KAT6B: variants seen among roughly 807,000 people sequenced by gnomAD.
The protein encoded by KAT6B is lysine acetyltransferase 6B.
Under a neutral mutation model 187.5 loss-of-function variants are expected in KAT6B, and 10 were observed. That is an observed-to-expected ratio of 0.05 (90% CI 0.03 to 0.09). The LOEUF is 0.09. Among genes scored for constraint, KAT6B ranks in the 10% least tolerant of loss-of-function variants. The probability of loss-of-function intolerance (pLI) is 1.00; values close to 1 mark genes in which losing one functional copy is unlikely to be tolerated. For synonymous variants in KAT6B, 861 were observed against 926.8 expected, an observed-to-expected ratio of 0.93 and a Z score of 1.29; for missense variants, 1,952 against 2,558.9, an observed-to-expected ratio of 0.76 and a Z score of 5.12.
upstream of KAT6B, among the ~76,000 whole-genome samples, chr10:74,825,133 C>G (rs1358720479): frequency 1.3e-5 from 2 of 152,338 alleles, no homozygotes; most frequent in East Asian, 3.9e-4. The surrounding 1 kb of genome is among the most constrained non-coding windows in gnomAD (Gnocchi z 5.0). Flanking sequence ...CGTCCCCCAC[C>G]CCAAAACTGC....
At chr10:74,886,722 G>A (rs1845303204) in intron 3 of KAT6B, among the ~76,000 whole-genome samples, 1 of 152,132 alleles carries the variant, frequency 6.6e-6, no homozygotes, top group African/African-American at 2.4e-5. Context: ...CTATGTTCTT[G>A]ACTAAATAAT....
chr10:74,997,201 T>TTCTC (rs990279473), intron 13 of KAT6B, among the ~76,000 whole-genome samples: 2 of 148,348 alleles, frequency 1.3e-5, no homozygotes, highest in African/African-American at 2.5e-5. Flanking sequence ...CTCTCTCTCT[T>TTCTC]TCTCTCTCTC....
chr10:74,985,369 G>C, intron 12 of KAT6B, 128 bp downstream of exon 12: 2 of 974,622 alleles, frequency 2.1e-6, no homozygotes, highest in Non-Finnish European at 3.1e-6. Flanking sequence ...AAAAGCTCAG[G>C]TTCTTGTTCA....
Position 75,016,526 on chromosome 10 carries a change from G to T in KAT6B, c.2630-4056G>T, listed in dbSNP as rs557534857. Among the ~76,000 whole-genome samples, 7 of 152,348 alleles carry T rather than the reference G, an allele frequency of 4.6e-5. No individual in the cohort carries two copies. In the South Asian group the frequency reaches 8.3e-4, roughly 18 times the overall value. Reference sequence around the variant, plus strand: ...TGCTACGATCAAGATAGTTGATGTGGATGAGGGGTTTATGGGCTACCCCGT... The same window carrying T: ...TGCTACGATCAAGATAGTTGATGTGTATGAGGGGTTTATGGGCTACCCCGT... On this transcript the variant is annotated intron_variant, in intron 13 of 17. Transcript: ENST00000287239.
intron 17 of KAT6B, among the ~76,000 whole-genome samples, chr10:75,026,373 G>T (rs1589835066): frequency 6.6e-6 from 1 of 152,076 alleles, no homozygotes. Context: ...AATCATGAGG[G>T]TTTATGGTAT....
intron 3 of KAT6B, among the ~76,000 whole-genome samples, chr10:74,857,030 T>G (rs1388828800): frequency 6.6e-6 from 1 of 152,222 alleles, no homozygotes; most frequent in East Asian, 1.9e-4. Flanking sequence ...TTGGTTAAGG[T>G]GGCATCTGCT....
chr10:74,917,404 A>T (rs1394163309), intron 3 of KAT6B, among the ~76,000 whole-genome samples: 1 of 152,136 alleles, frequency 6.6e-6, no homozygotes, highest in Non-Finnish European at 1.5e-5. Context: ...CCAGGATCCC[A>T]TCCAGGATCC....
At chr10:74,840,198 T>A (rs1841635441) in intron 2 of KAT6B, among the ~76,000 whole-genome samples, 1 of 152,218 alleles carries the variant, frequency 6.6e-6, no homozygotes, top group Non-Finnish European at 1.5e-5. Context: ...GGGTTGCATT[T>A]ATAATTGGAT....
At chr10:74,843,818 C>T (rs377218238) in intron 3 of KAT6B, among the ~76,000 whole-genome samples, 2 of 152,246 alleles carry the variant, frequency 1.3e-5, no homozygotes, top group African/African-American at 2.4e-5. Context: ...AAAAGGCCAT[C>T]GTATATTTTT....
chr10:75,030,778 A>G lies in KAT6B; in HGVS notation c.5954A>G (p.Asn1985Ser). Residue 1985 changes from asparagine (N) to serine (S), a missense_variant, in exon 18 of 18, where the codon AAC (asparagine) becomes AGC (serine). Physicochemically the swap from Asn to Ser is conservative, Grantham distance 46. Transcript: ENST00000287239. The surrounding 1 kb of genome is among the most constrained non-coding windows in gnomAD (Gnocchi z 4.8). ...TACAATGTCAACTCTGTGAACATGA[A>G]CATGAACACTCTCAACGCCATGAAT... ...PAYNVNSVNM[N>S]MNTLNAMNGY... 2 of 1,614,238 alleles carry G rather than the reference A, an allele frequency of 1.2e-6. No individual in the cohort carries two copies. Among genetic ancestry groups the G allele is most frequent in the Non-Finnish European group, 1.7e-6 (2 of 1,180,032 alleles).
intron 3 of KAT6B, among the ~76,000 whole-genome samples, chr10:74,908,440 A>C (rs1241266408): frequency 6.6e-6 from 1 of 151,472 alleles, no homozygotes; most frequent in African/African-American, 2.4e-5. Context: ...GCGTGCCTGT[A>C]GTCCCAGCTA....
At chr10:74,929,371 T>A (rs1193258790) in intron 3 of KAT6B, among the ~76,000 whole-genome samples, 3 of 152,226 alleles carry the variant, frequency 2.0e-5, no homozygotes, top group Non-Finnish European at 4.4e-5. Flanking sequence ...GTATTACAGA[T>A]GCTCTTGCGT....
chr10:74,986,866 C>T (rs1200809669), intron 12 of KAT6B, among the ~76,000 whole-genome samples: 2 of 152,182 alleles, frequency 1.3e-5, no homozygotes, highest in African/African-American at 4.8e-5. Flanking sequence ...TAACGGTGCC[C>T]ACCTTCCTCG....
intron 3 of KAT6B, among the ~76,000 whole-genome samples, chr10:74,870,798 A>G (rs183737698): frequency 3.3e-5 from 5 of 151,754 alleles, no homozygotes; most frequent in African/African-American, 1.2e-4. Context: ...GCTGGCCTCA[A>G]ACTCCTCACC....
chr10:74,876,274 C>G (rs1302194814), intron 3 of KAT6B, among the ~76,000 whole-genome samples: 1 of 152,090 alleles, frequency 6.6e-6, no homozygotes, highest in African/African-American at 2.4e-5. Flanking sequence ...TTTCAACTTT[C>G]TAGGAGCACA....
intron 3 of KAT6B, among the ~76,000 whole-genome samples, chr10:74,872,537 G>C (rs1844071009): frequency 6.6e-6 from 1 of 152,070 alleles, no homozygotes. Context: ...CACCATGGCT[G>C]GCAAAGTTTT....
chr10:74,842,534 G>T (rs546720335), intron 2 of KAT6B, 66 bp from the exon 3 acceptor site: 2 of 531,666 alleles, frequency 3.8e-6, no homozygotes, highest in East Asian at 3.0e-5. Flanking sequence ...TCATGCTAAA[G>T]AATCTTTTAG....
chr10:74,976,812 CTG>C, intron 8 of KAT6B: 1 of 280,612 alleles, frequency 3.6e-6, no homozygotes, highest in South Asian at 3.8e-5. Flanking sequence ...ATCTGTGACT[CTG>C]TGATGTGTGC....
chr10:74,939,342 G>A (rs193109850), intron 3 of KAT6B, among the ~76,000 whole-genome samples: 16 of 152,192 alleles, frequency 1.1e-4, no homozygotes, highest in African/African-American at 3.9e-4. Flanking sequence ...ACATACTAGG[G>A]GCTAAGGAAA....
Sources: gnomAD v4.1 joint callset for allele counts (sites outside exome capture counted in the v4.1 genomes callset) on GRCh38, gnomAD v4.1.1 for gene constraint, Gnocchi (gnomAD v3.1) non-coding constraint, MANE v1.5 for transcripts, NCBI Gene and HGNC (gene_info 2026-07-23, HGNC 2026-07-21) for gene names.